Variants in OSTN observed in about 807,000 individuals in gnomAD.
OSTN encodes osteocrin.
In OSTN, 9 loss-of-function variants were observed where a neutral mutation model predicts 12.0. The observed-to-expected ratio is 0.75, with a 90% confidence interval of 0.45 to 1.30. The LOEUF (loss-of-function observed/expected upper bound fraction) is 1.30, where lower values mean the gene tolerates loss of function less well. Ranked by LOEUF, OSTN falls within the 50% of genes most tolerant of loss-of-function variation. The pLI is 0.00. For synonymous variants in OSTN, 59 were observed against 56.9 expected, an observed-to-expected ratio of 1.04 and a Z score of -0.16; for missense variants, 148 against 152.3, an observed-to-expected ratio of 0.97 and a Z score of 0.15.
rs528806592 is a variant in OSTN at position 191,209,391 on chromosome 3, C to T, written c.1-3142C>T. On this transcript the variant is annotated intron_variant, in intron 1 of 4. Transcript: ENST00000682035. ...ATTGGTTATTTTCCCAGTTTAGAGA[C>T]ATAGTCATGATTTACTGGTTTTGCT... Among the ~76,000 whole-genome samples, 14 of 152,226 alleles carry T rather than the reference C, an allele frequency of 9.2e-5. No individual in the cohort carries two copies. In the South Asian group the frequency reaches 2.5e-3, roughly 27 times the overall value.
intron 3 of OSTN, 132 bp downstream of exon 3, chr3:191,219,093 T>A (rs1297550536): frequency 2.5e-6 from 2 of 811,684 alleles, no homozygotes; most frequent in Non-Finnish European, 3.8e-6. Flanking sequence ...GTATGTTAGC[T>A]AATCTGTAGG....
intron 3 of OSTN, among the ~76,000 whole-genome samples, chr3:191,246,047 A>G (rs1413321248): frequency 1.4e-5 from 2 of 145,608 alleles, no homozygotes; most frequent in African/African-American, 5.1e-5. Context: ...AGCCTGGGCA[A>G]TAAGAGCAAA....
chr3:191,255,585 T>C (rs1210710404), intron 4 of OSTN, among the ~76,000 whole-genome samples: 2 of 152,186 alleles, frequency 1.3e-5, no homozygotes, highest in Admixed American at 6.5e-5. Flanking sequence ...ATTATATTCC[T>C]AGAAACTAAA....
intron 3 of OSTN, among the ~76,000 whole-genome samples, chr3:191,231,328 G>C (rs890157973): frequency 6.6e-6 from 1 of 150,982 alleles, no homozygotes; most frequent in Non-Finnish European, 1.5e-5. Flanking sequence ...TGTTACCAAG[G>C]CTTCAGCGTC....
intron 3 of OSTN, among the ~76,000 whole-genome samples, chr3:191,245,398 AATT>A (rs1715406277): frequency 6.6e-6 from 1 of 152,216 alleles, no homozygotes; most frequent in South Asian, 2.1e-4. Context: ...TAGGCATAGC[AATT>A]ATTATCTGAA....
intron 3 of OSTN, among the ~76,000 whole-genome samples, chr3:191,227,527 C>T (rs976562944): frequency 6.6e-5 from 10 of 151,990 alleles, no homozygotes; most frequent in African/African-American, 1.9e-4. Context: ...GTTTAGAAGA[C>T]GAAAGCACGC....
At chr3:191,233,750 T>C (rs959943468) in intron 3 of OSTN, among the ~76,000 whole-genome samples, 5 of 152,250 alleles carry the variant, frequency 3.3e-5, no homozygotes, top group African/African-American at 1.2e-4. Flanking sequence ...TCCCAGCACT[T>C]TGGGAGGCCG....
intron 4 of OSTN, among the ~76,000 whole-genome samples, chr3:191,252,612 G>T (rs755183901): frequency 1.3e-5 from 2 of 152,046 alleles, no homozygotes; most frequent in Non-Finnish European, 2.9e-5. Flanking sequence ...GCTCTTTCCC[G>T]TTCATCAGTC....
In OSTN at chr3:191,251,541, AT is replaced by A. The variant is rs1426498230; in HGVS notation, c.*12+1414del. ...ATCTTGTCTTAATTTAAATCATCCC[AT>A]TTTTTCCCTCCTCCTCATGCTCTAA... is the stretch of plus-strand genomic sequence containing the variant. On this transcript the variant is annotated intron_variant, in intron 4 of 4. Coordinates refer to ENST00000682035, the MANE Select transcript of OSTN (RefSeq NM_198184.2). Among the ~76,000 whole-genome samples the A allele has an allele frequency of 2.0e-4, 30 of 152,086 alleles. No homozygotes were observed. The South Asian group carries it at 3.5e-3, about 18-fold the overall frequency.
intron 4 of OSTN, among the ~76,000 whole-genome samples, chr3:191,251,350 C>T (rs1459852689): frequency 6.6e-6 from 1 of 152,110 alleles, no homozygotes; most frequent in African/African-American, 2.4e-5. Flanking sequence ...ATGTTTTCTT[C>T]CAATAGGACT....
At chr3:191,253,168 C>T (rs546460138) in intron 4 of OSTN, among the ~76,000 whole-genome samples, 8 of 152,340 alleles carry the variant, frequency 5.3e-5, no homozygotes, top group African/African-American at 1.9e-4. Flanking sequence ...GAAATGGTAT[C>T]TCGCACTTTA....
At chr3:191,209,751 A>G (rs1264879954) in intron 1 of OSTN, among the ~76,000 whole-genome samples, 1 of 152,236 alleles carries the variant, frequency 6.6e-6, no homozygotes, top group Non-Finnish European at 1.5e-5. Context: ...ATTAAAATCT[A>G]CACTGTTGCA....
intron 3 of OSTN, among the ~76,000 whole-genome samples, chr3:191,237,717 G>C (rs1715228818): frequency 6.6e-6 from 1 of 152,224 alleles, no homozygotes; most frequent in African/African-American, 2.4e-5. Context: ...CCAATCACCA[G>C]TTTCAGATAT....
intron 1 of OSTN, among the ~76,000 whole-genome samples, chr3:191,211,826 C>T (rs1460225363): frequency 1.3e-5 from 2 of 151,970 alleles, no homozygotes; most frequent in Non-Finnish European, 2.9e-5. Context: ...TAATTTGTGT[C>T]TATCTTTAAA....
At chr3:191,246,604 CAAAA>C (rs34157872) in intron 3 of OSTN, among the ~76,000 whole-genome samples, 1 of 106,900 alleles carries the variant, frequency 9.4e-6, no homozygotes, top group Non-Finnish European at 1.8e-5. Context: ...GACCCTGTAT[CAAAA>C]AAAAAAAAAG....
chr3:191,208,976 A>G (rs1343703510), intron 1 of OSTN, among the ~76,000 whole-genome samples: 1 of 152,132 alleles, frequency 6.6e-6, no homozygotes, highest in East Asian at 1.9e-4. Context: ...TGGTCAACAT[A>G]GAGAAACTCT....
At chr3:191,211,997 G>T (rs937464900) in intron 1 of OSTN, among the ~76,000 whole-genome samples, 1 of 151,768 alleles carries the variant, frequency 6.6e-6, no homozygotes, top group Non-Finnish European at 1.5e-5. Flanking sequence ...TAAAAACATA[G>T]TTTTTTAAAA....
chr3:191,237,154 A>G (rs1715211312), intron 3 of OSTN, among the ~76,000 whole-genome samples: 1 of 152,192 alleles, frequency 6.6e-6, no homozygotes, highest in Non-Finnish European at 1.5e-5. Context: ...TAGGTTTTAC[A>G]TGTGAAATGA....
At chr3:191,225,298 T>A (rs1288538592) in intron 3 of OSTN, among the ~76,000 whole-genome samples, 2 of 152,178 alleles carry the variant, frequency 1.3e-5, no homozygotes, top group Non-Finnish European at 2.9e-5. Flanking sequence ...TCTTTAAAGT[T>A]TATTTATTAT....
Sources: gnomAD v4.1 joint callset for allele counts (sites outside exome capture counted in the v4.1 genomes callset) on GRCh38, gnomAD v4.1.1 for gene constraint, MANE v1.5 for transcripts, NCBI Gene and HGNC (gene_info 2026-07-23, HGNC 2026-07-21) for gene names.